TMEM217B: variants seen among roughly 807,000 people sequenced by gnomAD.
TMEM217B encodes the protein transmembrane protein 217B.
At chr6:37,236,079 C>T in the TMEM217B span, among the ~76,000 whole-genome samples, 1 of 152,090 alleles carries the variant, frequency 6.6e-6, no homozygotes, top group African/African-American at 2.4e-5. Flanking sequence ...TGATTTTTAT[C>T]CTTTCATCCC....
At chr6:37,220,300 T>G in the TMEM217B span, among the ~76,000 whole-genome samples, 1 of 152,208 alleles carries the variant, frequency 6.6e-6, no homozygotes, top group African/African-American at 2.4e-5. Flanking sequence ...CTAGGCACAC[T>G]TGATTTCATT....
At chr6:37,230,542 G>C in the TMEM217B span, among the ~76,000 whole-genome samples, 16 of 152,130 alleles carry the variant, frequency 1.1e-4, no homozygotes, top group Non-Finnish European at 2.4e-4. Context: ...AAGAAGAGAA[G>C]ATTAGGACAC....
chr6:37,232,849 T>C, the TMEM217B span, among the ~76,000 whole-genome samples: 1 of 152,224 alleles, frequency 6.6e-6, no homozygotes, highest in Non-Finnish European at 1.5e-5. Context: ...ACCTTGTTTT[T>C]CTCTCACCTG....
the TMEM217B span, among the ~76,000 whole-genome samples, chr6:37,231,255 A>G: frequency 1.4e-5 from 2 of 140,338 alleles, no homozygotes; most frequent in Non-Finnish European, 3.1e-5. Context: ...TTTTTTGTAG[A>G]AACGGGCTTT....
chr6:37,213,707 G>A, the TMEM217B span, among the ~76,000 whole-genome samples: 1 of 152,234 alleles, frequency 6.6e-6, no homozygotes, highest in Admixed American at 6.5e-5. Flanking sequence ...GGAACCTGGT[G>A]CCCGAGCCGA....
At chr6:37,251,249 C>A in the TMEM217B span, among the ~76,000 whole-genome samples, 24 of 152,154 alleles carry the variant, frequency 1.6e-4, no homozygotes, top group Non-Finnish European at 2.5e-4. Flanking sequence ...TTGAGGGAGG[C>A]ACATCTCACA....
the TMEM217B span, chr6:37,258,117 T>C: frequency 1.1e-6 from 1 of 921,568 alleles, no homozygotes; most frequent in Non-Finnish European, 1.6e-6. Context: ...GCAGGGCAGC[T>C]GTCAGGCAGC....
the TMEM217B span, among the ~76,000 whole-genome samples, chr6:37,235,020 G>T: frequency 2.0e-4 from 30 of 152,264 alleles, no homozygotes; most frequent in East Asian, 5.4e-3. Flanking sequence ...CCCTTATGCT[G>T]GTGTGGCTTT....
At chr6:37,254,223 T>G in the TMEM217B span, among the ~76,000 whole-genome samples, 1 of 152,312 alleles carries the variant, frequency 6.6e-6, no homozygotes, top group East Asian at 1.9e-4. Flanking sequence ...AATATAATCC[T>G]CAGTGATTCA....
the TMEM217B span, among the ~76,000 whole-genome samples, chr6:37,227,928 A>C: frequency 2.6e-5 from 4 of 152,146 alleles, no homozygotes; most frequent in African/African-American, 4.8e-5. Context: ...TCCAATACTG[A>C]GATTTAAAAA....
At chr6:37,255,239 G>A in the TMEM217B span, among the ~76,000 whole-genome samples, 6 of 152,222 alleles carry the variant, frequency 3.9e-5, no homozygotes, top group African/African-American at 1.4e-4. Flanking sequence ...GATTAAGCAA[G>A]AAAGAAAGCA....
chr6:37,239,595 C>T, the TMEM217B span, among the ~76,000 whole-genome samples: 5 of 152,166 alleles, frequency 3.3e-5, no homozygotes, highest in South Asian at 1.0e-3. Context: ...GATAATGATG[C>T]ATTTTGCAGT....
chr6:37,236,248 C>T, the TMEM217B span, among the ~76,000 whole-genome samples: 22 of 152,136 alleles, frequency 1.4e-4, no homozygotes, highest in African/African-American at 4.6e-4. Flanking sequence ...CTGCCTCCCA[C>T]GAGTGCTAGG....
the TMEM217B span, among the ~76,000 whole-genome samples, chr6:37,255,357 A>G: frequency 6.6e-6 from 1 of 152,212 alleles, no homozygotes; most frequent in South Asian, 2.1e-4. Flanking sequence ...TTTTCAGCAG[A>G]GGAGTGACAT....
chr6:37,241,270 G>T, the TMEM217B span, among the ~76,000 whole-genome samples: 1 of 151,446 alleles, frequency 6.6e-6, no homozygotes, highest in Non-Finnish European at 1.5e-5. Flanking sequence ...TAGAAACGGG[G>T]TCTCACTATG....
the TMEM217B span, among the ~76,000 whole-genome samples, chr6:37,237,590 C>T: frequency 6.6e-6 from 1 of 152,018 alleles, no homozygotes; most frequent in East Asian, 1.9e-4. Flanking sequence ...CAGTTAATAA[C>T]CAGAAAAGAG....
the TMEM217B span, chr6:37,218,285 C>T: frequency 8.2e-7 from 1 of 1,218,346 alleles, no homozygotes; most frequent in Admixed American, 3.0e-5. Flanking sequence ...TCTCCAGTCT[C>T]AGCCTCTCAA....
At chr6:37,233,462 G>A in the TMEM217B span, among the ~76,000 whole-genome samples, 1 of 152,188 alleles carries the variant, frequency 6.6e-6, no homozygotes, top group South Asian at 2.1e-4. Context: ...CTTTCAGGTG[G>A]CATCTTGCCA....
the TMEM217B span, among the ~76,000 whole-genome samples, chr6:37,233,276 C>G: frequency 2.0e-5 from 3 of 152,154 alleles, no homozygotes. Context: ...TAAGTTCCAT[C>G]AACTCTCCTT....
Sources: gnomAD v4.1 joint callset for allele counts (sites outside exome capture counted in the v4.1 genomes callset) on GRCh38, gnomAD v4.1.1 for gene constraint, MANE v1.5 for transcripts, NCBI Gene and HGNC (gene_info 2026-07-23, HGNC 2026-07-21) for gene names.